The following SPMIP3 variants were observed in gnomAD, a reference collection of about 807,000 sequenced individuals.
SPMIP3 encodes the protein sperm microtubule inner protein 3, also known as protein SPMIP3.
the SPMIP3 span, among the ~76,000 whole-genome samples, chr1:244,365,266 T>C: frequency 6.6e-6 from 1 of 152,234 alleles, no homozygotes; most frequent in Non-Finnish European, 1.5e-5. Context: ...TGGTTGTGTC[T>C]CCACTCAAAT....
At chr1:244,373,336 A>T in the SPMIP3 span, among the ~76,000 whole-genome samples, 4 of 127,258 alleles carry the variant, frequency 3.1e-5, no homozygotes, top group African/African-American at 1.2e-4. Context: ...AAAAAATTAT[A>T]TATATATATA....
At chr1:244,372,795 AG>A in the SPMIP3 span, among the ~76,000 whole-genome samples, 2 of 152,198 alleles carry the variant, frequency 1.3e-5, no homozygotes, top group Non-Finnish European at 2.9e-5. Context: ...ACATCCCGAA[AG>A]ACCCCACATG....
the SPMIP3 span, chr1:244,376,246 T>C: frequency 2.0e-5 from 3 of 152,026 alleles, no homozygotes; most frequent in Admixed American, 1.3e-4. Context: ...AGCCTCTCCA[T>C]TTCTGCTAAC....
chr1:244,384,360 C>T, the SPMIP3 span, among the ~76,000 whole-genome samples: 1 of 152,122 alleles, frequency 6.6e-6, no homozygotes, highest in Admixed American at 6.5e-5. Context: ...TGAGCCACCA[C>T]ACCCAGCTAC....
the SPMIP3 span, among the ~76,000 whole-genome samples, chr1:244,378,308 T>C: frequency 1.3e-5 from 2 of 152,158 alleles, no homozygotes; most frequent in Non-Finnish European, 2.9e-5. Flanking sequence ...CTGAACCATC[T>C]ACTGCAGCTT....
chr1:244,366,989 G>A, the SPMIP3 span, among the ~76,000 whole-genome samples: 2 of 152,180 alleles, frequency 1.3e-5, no homozygotes, highest in East Asian at 1.9e-4. Context: ...TAGGCAGAAG[G>A]AGAATACCTT....
chr1:244,357,481 T>C, the SPMIP3 span, among the ~76,000 whole-genome samples: 1 of 150,966 alleles, frequency 6.6e-6, no homozygotes, highest in East Asian at 2.0e-4. Flanking sequence ...GGGGCCAAGG[T>C]GGGTGGATCA....
the SPMIP3 span, among the ~76,000 whole-genome samples, chr1:244,366,766 G>A: frequency 6.6e-6 from 1 of 152,166 alleles, no homozygotes; most frequent in Admixed American, 6.5e-5. Flanking sequence ...TGGAATCCCA[G>A]CTACTCGGGA....
At chr1:244,378,616 A>G in the SPMIP3 span, 1 of 1,613,590 alleles carries the variant, frequency 6.2e-7, no homozygotes, top group Non-Finnish European at 8.5e-7. Context: ...CGACGAGACT[A>G]TTCTCTGCCA....
chr1:244,383,390 G>A, the SPMIP3 span, among the ~76,000 whole-genome samples: 2 of 152,074 alleles, frequency 1.3e-5, no homozygotes, highest in African/African-American at 2.4e-5. Flanking sequence ...GGCCCCTGTG[G>A]TCCAAGCTAC....
the SPMIP3 span, among the ~76,000 whole-genome samples, chr1:244,373,332 T>TTATATATG: frequency 1.2e-5 from 1 of 85,148 alleles, no homozygotes; most frequent in Non-Finnish European, 2.6e-5. Flanking sequence ...CAAAAAAAAA[T>TTATATATG]TATATATATA....
chr1:244,372,167 C>T, the SPMIP3 span, among the ~76,000 whole-genome samples: 47 of 152,250 alleles, frequency 3.1e-4, no homozygotes, highest in East Asian at 1.7e-3. Context: ...TTTGCTTATC[C>T]GAGTCCTAGA....
At chr1:244,373,503 G>C in the SPMIP3 span, among the ~76,000 whole-genome samples, 2 of 150,080 alleles carry the variant, frequency 1.3e-5, no homozygotes, top group Non-Finnish European at 3.0e-5. Flanking sequence ...ATCTCTAAAA[G>C]CAAACAAAAC....
the SPMIP3 span, among the ~76,000 whole-genome samples, chr1:244,362,657 T>C: frequency 6.6e-6 from 1 of 152,074 alleles, no homozygotes; most frequent in Admixed American, 6.6e-5. Context: ...GCAGGTCACA[T>C]GGGTCTCAGT....
the SPMIP3 span, among the ~76,000 whole-genome samples, chr1:244,363,344 G>A: frequency 1.3e-5 from 2 of 152,126 alleles, no homozygotes; most frequent in Non-Finnish European, 2.9e-5. Context: ...GGAGGTGGAG[G>A]TGGCAGTGAG....
the SPMIP3 span, among the ~76,000 whole-genome samples, chr1:244,369,041 C>A: frequency 2.0e-5 from 3 of 152,180 alleles, no homozygotes; most frequent in African/African-American, 7.2e-5. Flanking sequence ...CACCTGTAGT[C>A]CCAGCCTCTC....
At chr1:244,378,427 T>C in the SPMIP3 span, 12 of 1,565,002 alleles carry the variant, frequency 7.7e-6, no homozygotes, top group Non-Finnish European at 1.0e-5. Flanking sequence ...ACTGCTTTTT[T>C]CTACTGGCTT....
chr1:244,371,848 T>C, the SPMIP3 span, among the ~76,000 whole-genome samples: 1 of 152,254 alleles, frequency 6.6e-6, no homozygotes, highest in Non-Finnish European at 1.5e-5. Flanking sequence ...AAATGTCATT[T>C]GTTCCCTTTA....
chr1:244,364,765 C>T, the SPMIP3 span: 1 of 1,613,954 alleles, frequency 6.2e-7, no homozygotes, highest in South Asian at 1.1e-5. Flanking sequence ...AGGTATAGTT[C>T]TTCCAGATGC....
Sources: allele counts gnomAD v4.1 joint callset (sites outside exome capture counted in the v4.1 genomes callset), GRCh38; gene constraint gnomAD v4.1.1; transcripts MANE v1.5; gene names NCBI Gene and HGNC (gene_info 2026-07-23, HGNC 2026-07-21).